OR6C1: variants seen among roughly 807,000 people sequenced by gnomAD.
OR6C1 encodes olfactory receptor family 6 subfamily C member 1.
For missense variants in OR6C1, 386 were observed against 366.1 expected (o/e 1.05, Z -0.44); for synonymous variants, 157 against 133.3 (o/e 1.18, Z -1.22).
intron 1 of OR6C1, among the ~76,000 whole-genome samples, chr12:55,317,406 C>T (rs999091338): frequency 6.6e-6 from 1 of 151,964 alleles, no homozygotes; most frequent in Non-Finnish European, 1.5e-5. Context: ...ATGTGGTTCC[C>T]TTTTCATATC....
At chr12:55,320,064 C>G (rs921281753) in intron 1 of OR6C1, among the ~76,000 whole-genome samples, 1 of 152,040 alleles carries the variant, frequency 6.6e-6, no homozygotes, top group Non-Finnish European at 1.5e-5. Context: ...TCGCTTGAAC[C>G]CAGGAGGCAG....
rs115469160 is a variant in OR6C1 at position 55,317,242 on chromosome 12, T to A, written c.-34+2643T>A. Among the ~76,000 whole-genome samples, 178 of 152,136 alleles carry A rather than the reference T, an allele frequency of 1.2e-3. 1 individual carries two copies. Among genetic ancestry groups the A allele is most frequent in the African/African-American group, 4.1e-3 (171 of 41,568 alleles). ...ACTTCACAGTGTTATGAAAAGCTCA[T>A]GCTTTTAATGAAAAATAAACCCTGA... On this transcript the variant is annotated intron_variant, in intron 1 of 1. Transcript: ENST00000642104.
chr12:55,317,931 TTA>T (rs1030470839), intron 1 of OR6C1, among the ~76,000 whole-genome samples: 6 of 145,544 alleles, frequency 4.1e-5, no homozygotes, highest in South Asian at 4.2e-4. Flanking sequence ...TATATATATA[TTA>T]TATATATATG....
chr12:55,318,945 G>T (rs1868468292), intron 1 of OR6C1, among the ~76,000 whole-genome samples: 1 of 151,786 alleles, frequency 6.6e-6, no homozygotes, highest in African/African-American at 2.4e-5. Context: ...TAAAAAGAAA[G>T]AATTAAAAAT....
At position 55,320,761 on chromosome 12, in the gene OR6C1, G is replaced by A. The variant is rs1868521926; in HGVS notation, c.162G>A (p.Gln54=). 6.2e-7 allele frequency: 1 copy of A among 1,614,052 alleles called. No homozygotes were observed. Among genetic ancestry groups the A allele is most frequent in the Non-Finnish European group, 8.5e-7 (1 of 1,180,014 alleles). ...ITITLLDSHL[Q]TPMYFFLRNF... ...TTACCCTGCTGGATTCCCACCTGCA[G>A]ACCCCCATGTATTTCTTCCTCAGAA... is the stretch of plus-strand genomic sequence containing the variant. The change falls in exon 2 of 2, where the codon CAG becomes CAA. Residue 54 remains glutamine, a synonymous_variant. Coordinates refer to ENST00000642104, the MANE Select transcript of OR6C1 (RefSeq NM_001005182.2).
At chr12:55,316,852 G>A (rs570472344) in intron 1 of OR6C1, among the ~76,000 whole-genome samples, 3 of 151,958 alleles carry the variant, frequency 2.0e-5, no homozygotes, top group Non-Finnish European at 2.9e-5. Context: ...ACCAGCTATG[G>A]AAGTGTCTAT....
rs144216844 is a variant in OR6C1 at position 55,321,205 on chromosome 12, G to T, written c.606G>T (p.Ala202=). 4 of 1,613,724 alleles carry T rather than the reference G, an allele frequency of 2.5e-6. No individual in the cohort carries two copies. The highest frequency in any genetic ancestry group is 3.4e-6 in the Non-Finnish European group (4 of 1,179,854). The stretch of plus-strand genomic sequence containing the variant: ...AGGTGATGGGATTTTCTTGTGCTGC[G>T]TTTACTCTAATGTTCACTTTGGCAT... The part of the protein sequence containing the change: ...FLEVMGFSCA[A]FTLMFTLALI... Residue 202 remains alanine, a synonymous_variant, in exon 2 of 2, where the codon GCG becomes GCT. Coordinates refer to ENST00000642104, the MANE Select transcript of OR6C1 (RefSeq NM_001005182.2).
intron 1 of OR6C1, among the ~76,000 whole-genome samples, chr12:55,318,543 T>C (rs893592816): frequency 2.0e-5 from 3 of 151,042 alleles, no homozygotes; most frequent in African/African-American, 7.3e-5. Context: ...ACTTTCTCCA[T>C]AGAACAAAGC....
At position 55,321,269 on chromosome 12, in the gene OR6C1, T is replaced by C; in HGVS notation, c.670T>C (p.Leu224=). 6.2e-7 allele frequency: 1 copy of C among 1,613,728 alleles called. No homozygotes were observed. The highest frequency in any genetic ancestry group is 8.5e-7 in the Non-Finnish European group (1 of 1,179,676). The stretch of plus-strand genomic sequence containing the variant: ...CTACATATACATTATCAGAACAATT[T>C]TGAGAATTCCTTCTACTAGTCAGAG... ...LSYIYIIRTI[L]RIPSTSQRTK... Residue 224 remains leucine (L), a synonymous_variant, in exon 2 of 2, where the codon TTG becomes CTG. Transcript: ENST00000642104.
chr12:55,321,393 G>A lies in OR6C1; in HGVS notation c.794G>A (p.Arg265Lys), dbSNP rs758980157. ...FMYIKPSAKD[R>K]VSLSKGVAIL... ...TACATTAAACCCTCAGCAAAAGATA[G>A]AGTGTCCTTGAGCAAGGGAGTGGCA... The change falls in exon 2 of 2, where the codon AGA becomes AAA. Residue 265 changes from arginine (R) to lysine (K), a missense_variant. Coordinates refer to ENST00000642104, the MANE Select transcript of OR6C1 (RefSeq NM_001005182.2). 6.2e-7 allele frequency: 1 copy of A among 1,613,934 alleles called. No homozygotes were observed. The highest frequency in any genetic ancestry group is 8.5e-7 in the Non-Finnish European group (1 of 1,179,878).
In OR6C1 at chr12:55,320,868, T is replaced by C; in HGVS notation, c.269T>C (p.Ile90Thr). 6.2e-7 allele frequency: 1 copy of C among 1,613,974 alleles called. No homozygotes were observed. Among genetic ancestry groups the C allele is most frequent in the Non-Finnish European group, 8.5e-7 (1 of 1,179,892 alleles). The change falls in exon 2 of 2, where the codon ATT becomes ACT. Residue 90 changes from isoleucine (I) to threonine (T), a missense_variant. Transcript: ENST00000642104. Reference protein sequence around the residue: ...LGNIISGDKTISFNNCIVQLF... With the variant: ...LGNIISGDKTTSFNNCIVQLF... ...AACATTATTTCAGGAGATAAAACCA[T>C]TTCCTTTAATAATTGCATAGTTCAG...
Position 55,320,769 on chromosome 12 carries a change from T to G in OR6C1, c.170T>G (p.Met57Arg), listed in dbSNP as rs754297636. 2 of 1,613,970 alleles carry G rather than the reference T, an allele frequency of 1.2e-6. No homozygotes were observed. Among genetic ancestry groups the G allele is most frequent in the Non-Finnish European group, 1.7e-6 (2 of 1,179,996 alleles). The change falls in exon 2 of 2, where the codon ATG becomes AGG. Residue 57 changes from methionine (M) to arginine (R), a missense_variant. Coordinates refer to ENST00000642104, the MANE Select transcript of OR6C1 (RefSeq NM_001005182.2). ...TLLDSHLQTP[M>R]YFFLRNFSIL... ...CTGGATTCCCACCTGCAGACCCCCATGTATTTCTTCCTCAGAAATTTCTCC... is the reference window on the plus strand; with the variant it reads ...CTGGATTCCCACCTGCAGACCCCCAGGTATTTCTTCCTCAGAAATTTCTCC...
rs7132431 is a variant in OR6C1 at position 55,320,988 on chromosome 12, G to A, written c.389G>A (p.Cys130Tyr). 0.77 allele frequency: 1,238,180 copies of A among 1,613,270 alleles called. 476,661 individuals are homozygous for A. The highest frequency in any genetic ancestry group is 0.84 in the Middle Eastern group (5,071 of 6,056). Reference sequence around the variant, plus strand: ...GTGGCCATCTGCAAGCCTCTGCATTGCTTGAGTATCATGAATCGAAGAGTC... The same window carrying A: ...GTGGCCATCTGCAAGCCTCTGCATTACTTGAGTATCATGAATCGAAGAGTC... ...RYVAICKPLH[C>Y]LSIMNRRVCT... The change falls in exon 2 of 2, where the codon TGC becomes TAC. Residue 130 changes from cysteine (C) to tyrosine (Y), a missense_variant. Coordinates refer to ENST00000642104, the MANE Select transcript of OR6C1 (RefSeq NM_001005182.2).
Position 55,320,747 on chromosome 12 carries a change from G to A in OR6C1, c.148G>A (p.Asp50Asn), listed in dbSNP as rs1450409682. 7 of 1,614,016 alleles carry A rather than the reference G, an allele frequency of 4.3e-6. No individual in the cohort carries two copies. Among genetic ancestry groups the A allele is most frequent in the Admixed American group, 1.7e-5 (1 of 59,982 alleles). The change falls in exon 2 of 2, where the codon GAT becomes AAT. Residue 50 changes from aspartate to asparagine, a missense_variant. By Grantham distance (23) the Asp-to-Asn change is conservative (BLOSUM62 1). Transcript: ENST00000642104. ...NLTLITITLL[D>N]SHLQTPMYFF... is the part of the protein sequence containing the mutation. ...GACCCTTATCACAATTACCCTGCTG[G>A]ATTCCCACCTGCAGACCCCCATGTA...
At chr12:55,316,421 A>T (rs1868412212) in intron 1 of OR6C1, among the ~76,000 whole-genome samples, 1 of 151,872 alleles carries the variant, frequency 6.6e-6, no homozygotes, top group South Asian at 2.1e-4. Flanking sequence ...TGGCTCAAAT[A>T]ATTTGTTGCA....
At chr12:55,315,219 G>A (rs1868389129) in intron 1 of OR6C1, among the ~76,000 whole-genome samples, 2 of 151,522 alleles carry the variant, frequency 1.3e-5, no homozygotes, top group Non-Finnish European at 3.0e-5. Flanking sequence ...GAAATTTAAA[G>A]ACATTAAGTA....
At position 55,319,471 on chromosome 12, in the gene OR6C1, G is replaced by A. The variant is rs188906888; in HGVS notation, c.-33-1096G>A. Reference sequence around the variant, plus strand: ...TTTTTCAGTATGTCCAAAGAACGAAGAGAAGGTTAGAATCTGCATAAAAAA... The same window carrying A: ...TTTTTCAGTATGTCCAAAGAACGAAAAGAAGGTTAGAATCTGCATAAAAAA... On this transcript the variant is annotated intron_variant, in intron 1 of 1. Coordinates refer to ENST00000642104, the MANE Select transcript of OR6C1 (RefSeq NM_001005182.2). Among the ~76,000 whole-genome samples the A allele has an allele frequency of 2.2e-3, 328 of 152,280 alleles. 3 individuals carry two copies. The highest frequency in any genetic ancestry group is 7.3e-3 in the African/African-American group (305 of 41,550).
chr12:55,321,758 G>T lies in OR6C1; in HGVS notation c.*220G>T. The T allele has an allele frequency of 2.6e-6, 1 of 385,146 alleles. No individual in the cohort carries two copies. Among genetic ancestry groups the T allele is most frequent in the Non-Finnish European group, 4.6e-6 (1 of 217,304 alleles). 23.9% of individuals were successfully genotyped at this position (385,146 alleles called of 1,614,324 possible). A position where few individuals can be genotyped will look rare whatever the true frequency, so the allele number is the denominator to read the frequency against. Reference sequence around the variant, plus strand: ...TGAACAATTTTTTGTAAAATTACAAGCTCTTCAAGAATATTTTGAAAACTA... The same window carrying T: ...TGAACAATTTTTTGTAAAATTACAATCTCTTCAAGAATATTTTGAAAACTA... On this transcript the variant is annotated 3_prime_UTR_variant, in exon 2 of 2. Transcript: ENST00000642104.
chr12:55,320,656 A>C lies in OR6C1; in HGVS notation c.57A>C (p.Pro19=). Residue 19 remains proline (P), a synonymous_variant, in exon 2 of 2, where the codon CCA becomes CCC. Coordinates refer to ENST00000642104, the MANE Select transcript of OR6C1 (RefSeq NM_001005182.2). ...EFILLGLTDD[P]NFQVVIFVFL... is the part of the protein sequence containing the mutation. ...TTCTTCTGGGATTAACAGATGACCCAAATTTTCAGGTTGTAATCTTTGTCT... is the reference window on the plus strand; with the variant it reads ...TTCTTCTGGGATTAACAGATGACCCCAATTTTCAGGTTGTAATCTTTGTCT... The C allele has an allele frequency of 1.2e-6, 2 of 1,613,726 alleles. No individual in the cohort carries two copies. The highest frequency in any genetic ancestry group is 1.7e-6 in the Non-Finnish European group (2 of 1,179,734).
Sources: gnomAD v4.1 joint callset for allele counts (sites outside exome capture counted in the v4.1 genomes callset) on GRCh38, gnomAD v4.1.1 for gene constraint, MANE v1.5 for transcripts, NCBI Gene and HGNC (gene_info 2026-07-23, HGNC 2026-07-21) for gene names.